Variants in MED24 observed in about 807,000 individuals in gnomAD.
MED24 encodes mediator of RNA polymerase II transcription subunit 24.
In MED24, 74 loss-of-function variants were observed where a neutral mutation model predicts 118.8. That is an observed-to-expected ratio of 0.62 (90% CI 0.52 to 0.76). MED24 has a LOEUF of 0.76. MED24 is among the 30% of genes least tolerant of loss of function. The probability of loss-of-function intolerance (pLI) is 0.00; values close to 1 mark genes in which losing one functional copy is unlikely to be tolerated. For missense variants in MED24, 1,041 were observed against 1,278.9 expected, an observed-to-expected ratio of 0.81 and a Z score of 2.84; for synonymous variants, 521 against 523.9, an observed-to-expected ratio of 0.99 and a Z score of 0.08.
At chr17:40,036,221 G>A in intron 3 of MED24, 67 bp from the exon 4 acceptor site, 6 of 1,495,566 alleles carry the variant, frequency 4.0e-6, no homozygotes, top group East Asian at 2.3e-5. Context: ...AACAAACACT[G>A]ATGCTTCAAG....
At chr17:40,050,223 C>A (rs976002094) in intron 3 of MED24, among the ~76,000 whole-genome samples, 1 of 139,084 alleles carries the variant, frequency 7.2e-6, no homozygotes, top group Non-Finnish European at 1.5e-5. Flanking sequence ...CCGAGGTGAG[C>A]GGATCACCTG....
In MED24 at chr17:40,019,459, T is replaced by G. The variant is rs1296132575; in HGVS notation, c.*70A>C. On this transcript the variant is annotated 3_prime_UTR_variant, in exon 26 of 26. Coordinates refer to ENST00000394128, the MANE Select transcript of MED24 (RefSeq NM_014815.4). ...GTGAGGCACGATGCCTCATCTTTCC[T>G]CACTGCTTCCCTTGGAGGCGCCTGG... 1 of 1,330,914 alleles carries G rather than the reference T, an allele frequency of 7.5e-7. No homozygotes were observed. Among genetic ancestry groups the G allele is most frequent in the Non-Finnish European group, 1.1e-6 (1 of 939,922 alleles). The allele number at this position is 1,330,914 out of a possible 1,614,324, so 82.4% of individuals were successfully genotyped here.
In MED24 at chr17:40,033,063, C is replaced by T. The variant is rs769089170; in HGVS notation, c.815G>A (p.Arg272His). The T allele has an allele frequency of 1.9e-5, 30 of 1,613,776 alleles. No individual in the cohort carries two copies. The highest frequency in any genetic ancestry group is 2.5e-5 in the Non-Finnish European group (29 of 1,180,032). The change falls in exon 8 of 26, where the codon CGC (arginine) becomes CAC (histidine). Residue 272 changes from arginine (R) to histidine (H), a missense_variant. Around this residue, in one of 3 missense-constraint regions of MED24, gnomAD observed 434 missense variants for 514.9 expected, o/e 0.84. Transcript: ENST00000394128. The surrounding 1 kb of genome is among the most constrained non-coding windows in gnomAD (Gnocchi z 5.2). Reference protein sequence around the residue: ...SLVEQLTMVKRMQHIPTPLFV... With the variant: ...SLVEQLTMVKHMQHIPTPLFV... ...CCACTCGGCCCCTCCCACCTGCATG[C>T]GCTTCACCATCGTCAGCTGCTCCAC...
chr17:40,020,679 G>A (rs752508361), intron 23 of MED24: 36 of 376,700 alleles, frequency 9.6e-5, no homozygotes, highest in Non-Finnish European at 1.7e-4. Context: ...CCAGCTCCTC[G>A]GGAGGCTGAG....
rs1407344506 is a variant in MED24, at chr17:40,026,955, C to A, written c.1610G>T (p.Gly537Val). The A allele has an allele frequency of 6.2e-7, 1 of 1,614,150 alleles. No individual in the cohort carries two copies. Among genetic ancestry groups the A allele is most frequent in the Non-Finnish European group, 8.5e-7 (1 of 1,180,006 alleles). ...GGGGTGGTCAGGGTTCAGGATCTTG[C>A]CCTCCTCAGGCATGCAGGTCTGCAT... ...TWMQTCMPEE[G>V]KILNPDHPCF... The change falls in exon 17 of 26, where the codon GGC becomes GTC. Residue 537 changes from glycine to valine, a missense_variant. Coordinates refer to ENST00000394128, the MANE Select transcript of MED24 (RefSeq NM_014815.4).
At chr17:40,050,454 A>T (rs999291912) in intron 3 of MED24, among the ~76,000 whole-genome samples, 18 of 152,108 alleles carry the variant, frequency 1.2e-4, no homozygotes, top group Non-Finnish European at 1.6e-4. Context: ...CTCAAAAAAA[A>T]ATATGAGATA....
intron 14 of MED24, 61 bp from the exon 15 acceptor site, chr17:40,028,007 T>G (rs1359039296): frequency 5.2e-6 from 8 of 1,541,376 alleles, no homozygotes; most frequent in Non-Finnish European, 6.3e-6. Flanking sequence ...AGCTGGGCGC[T>G]GGGGCTACAC....
At chr17:40,027,846 C>A in intron 15 of MED24, 63 bp downstream of exon 15, 1 of 1,566,256 alleles carries the variant, frequency 6.4e-7, no homozygotes, top group Non-Finnish European at 8.8e-7. Flanking sequence ...CTCCCTCCCA[C>A]ACTCTCCCGC....
intron 3 of MED24, among the ~76,000 whole-genome samples, chr17:40,037,231 G>GGAAGGAAGGAAAGAAGGAAA (rs1984047720): frequency 1.3e-5 from 2 of 150,572 alleles, no homozygotes; most frequent in African/African-American, 4.9e-5. Context: ...AAGGAAGGAA[G>GGAAGGAAGGAAAGAAGGAAA]GAAGGAAAGA....
chr17:40,020,911 A>G lies in MED24; in HGVS notation c.2624-558T>C, dbSNP rs142284825. On this transcript the variant is annotated intron_variant, in intron 23 of 25. Transcript: ENST00000394128. ...AATATGGTGAAACCCCGTCTCTACT[A>G]AAAATACAAAAATTAGCCAGGCGTT... Among the ~76,000 whole-genome samples, 1,451 of 152,238 alleles carry G rather than the reference A, an allele frequency of 9.5e-3. 22 individuals carry two copies. Among genetic ancestry groups the G allele is most frequent in the African/African-American group, 0.033 (1,386 of 41,530 alleles).
At chr17:40,032,285 CAGGACACA>C in intron 9 of MED24, 195 bp from the exon 10 acceptor site, 1 of 630,684 alleles carries the variant, frequency 1.6e-6, no homozygotes, top group Non-Finnish European at 2.7e-6. Context: ...GGCCTAGGCA[CAGGACACA>C]AGCACCCTGC....
chr17:40,028,870 G>A lies in MED24; in HGVS notation c.1365C>T (p.Ala455=), dbSNP rs369806400. ...GKSLDLLLAA[A]AATGKLKSFA... Reference sequence around the variant, plus strand: ...AGGATTTCAGCTTTCCAGTGGCGGCGGCGGCAGCCAGCAGCAAGTCCAGAC... The same window carrying A: ...AGGATTTCAGCTTTCCAGTGGCGGCAGCGGCAGCCAGCAGCAAGTCCAGAC... Residue 455 remains alanine (A), a synonymous_variant, in exon 14 of 26, where the codon GCC becomes GCT. Transcript: ENST00000394128. The A allele has an allele frequency of 1.3e-4, 217 of 1,613,880 alleles. No individual in the cohort carries two copies. Among genetic ancestry groups the A allele is most frequent in the Non-Finnish European group, 1.7e-4 (202 of 1,179,918 alleles).
At chr17:40,046,740 C>T (rs570840868) in intron 3 of MED24, among the ~76,000 whole-genome samples, 3 of 144,414 alleles carry the variant, frequency 2.1e-5, no homozygotes, top group African/African-American at 8.2e-5. Context: ...AGCGAGACTC[C>T]GTCTCAAAAA....
intron 3 of MED24, among the ~76,000 whole-genome samples, chr17:40,042,174 C>T (rs1186442531): frequency 6.6e-6 from 1 of 152,008 alleles, no homozygotes; most frequent in African/African-American, 2.4e-5. Flanking sequence ...CACAAATGTC[C>T]CTAATTAATC....
intron 24 of MED24, 120 bp from the exon 25 acceptor site, chr17:40,020,053 T>C (rs752655638): frequency 2.4e-6 from 3 of 1,272,680 alleles, no homozygotes; most frequent in African/African-American, 1.5e-5. Flanking sequence ...GTCCCCAAAA[T>C]GGGGTGTCAG....
chr17:40,022,527 C>T, intron 21 of MED24, 43 bp from the exon 22 acceptor site: 1 of 1,594,750 alleles, frequency 6.3e-7, no homozygotes, highest in Non-Finnish European at 8.5e-7. Context: ...GAGAGGTGCC[C>T]CAGGAGCTTT....
At position 40,031,144 on chromosome 17, in the gene MED24, T is replaced by C; in HGVS notation, c.1154+15A>G. The C allele has an allele frequency of 6.4e-7, 1 of 1,554,864 alleles. No individual in the cohort carries two copies. Among genetic ancestry groups the C allele is most frequent in the Non-Finnish European group, 8.7e-7 (1 of 1,147,926 alleles). ...CAAGGGGCTCTTGGGGTAGCACAGG[T>C]GCGTTCACACTTACCGCTTAGCCAT... On this transcript the variant is annotated intron_variant, in intron 12 of 25. Coordinates refer to ENST00000394128, the MANE Select transcript of MED24 (RefSeq NM_014815.4).
chr17:40,050,531 G>A (rs976941691), intron 3 of MED24, among the ~76,000 whole-genome samples: 1 of 152,006 alleles, frequency 6.6e-6, no homozygotes, highest in Non-Finnish European at 1.5e-5. Context: ...TGAAATAACT[G>A]AGGAATAGAA....
At chr17:40,028,031 G>C (rs570757729) in intron 14 of MED24, 85 bp from the exon 15 acceptor site, 4 of 1,339,422 alleles carry the variant, frequency 3.0e-6, no homozygotes, top group Non-Finnish European at 4.3e-6. Flanking sequence ...TTCAGAGAGC[G>C]ATAGCTAGAG....
Sources: allele counts gnomAD v4.1 joint callset (sites outside exome capture counted in the v4.1 genomes callset), GRCh38; gene constraint gnomAD v4.1.1; regional missense constraint gnomAD v4.1.1; non-coding constraint Gnocchi (gnomAD v3.1); transcripts MANE v1.5; gene names NCBI Gene and HGNC (gene_info 2026-07-23, HGNC 2026-07-21).